Variants in SORL1 observed in about 807,000 individuals in gnomAD.
SORL1 encodes the protein sortilin-related receptor.
In SORL1, 127 loss-of-function variants were observed where a neutral mutation model predicts 273.7. The observed-to-expected ratio is 0.46, with a 90% CI of 0.40 to 0.54. SORL1 has a LOEUF of 0.54. Among genes scored for constraint, SORL1 ranks in the 20% least tolerant of loss-of-function variants. The pLI, the probability that SORL1 is intolerant of heterozygous loss-of-function variation, is 0.00. For missense variants in SORL1, 2,494 were observed against 2,846.1 expected (o/e 0.88, Z 2.81); for synonymous variants, 1,031 against 1,067.4 (o/e 0.97, Z 0.66).
chr11:121,453,259 C>G (rs1860839845), intron 1 of SORL1, among the ~76,000 whole-genome samples: 1 of 152,148 alleles, frequency 6.6e-6, no homozygotes, highest in African/African-American at 2.4e-5. Context: ...AGGAATACCC[C>G]TCATGGCACT....
At chr11:121,606,629 A>G (rs775180710) in intron 35 of SORL1, among the ~76,000 whole-genome samples, 4 of 152,102 alleles carry the variant, frequency 2.6e-5, no homozygotes, top group Non-Finnish European at 5.9e-5. Context: ...CACACACTCA[A>G]CTGAGCCATG....
intron 14 of SORL1, among the ~76,000 whole-genome samples, chr11:121,547,417 CAAAAAAAAAAA>C (rs67390938): frequency 1.8e-3 from 43 of 24,038 alleles, no homozygotes; most frequent in South Asian, 7.0e-3. Flanking sequence ...CAACCCTCAC[CAAAAAAAAAAA>C]AAAAAAAAAA....
At chr11:121,624,465 G>A (rs1269430686) in intron 45 of SORL1, among the ~76,000 whole-genome samples, 2 of 152,192 alleles carry the variant, frequency 1.3e-5, no homozygotes, top group Non-Finnish European at 2.9e-5. Context: ...TAACTAGGAA[G>A]ACATTTCATC....
In SORL1 at chr11:121,618,950, G is replaced by T. The variant is rs367608935; in HGVS notation, c.5724+57G>T. The T allele has an allele frequency of 8.2e-5, 131 of 1,601,346 alleles. No homozygotes were observed. In the African/African-American group the frequency reaches 1.5e-3, roughly 19 times the overall value. On this transcript the variant is annotated intron_variant, in intron 42 of 47. Transcript: ENST00000260197. Reference sequence around the variant, plus strand: ...GGGATGTCTTAAGTCCTGGGCTCTGGTCTCAACCCAGGACCTGGGGAGCTT... The same window carrying T: ...GGGATGTCTTAAGTCCTGGGCTCTGTTCTCAACCCAGGACCTGGGGAGCTT...
intron 16 of SORL1, 41 bp from the exon 17 acceptor site, chr11:121,553,896 C>T (rs747109561): frequency 6.3e-7 from 1 of 1,585,696 alleles, no homozygotes. Flanking sequence ...TCTTCAGCAT[C>T]CCCTGGGTCC....
intron 28 of SORL1, among the ~76,000 whole-genome samples, chr11:121,588,904 G>A (rs1311885616): frequency 2.0e-5 from 3 of 151,952 alleles, no homozygotes; most frequent in Non-Finnish European, 2.9e-5. Context: ...AGGACACCAG[G>A]CCTATTAGAT....
intron 27 of SORL1, among the ~76,000 whole-genome samples, chr11:121,587,467 A>T (rs1214299730): frequency 2.0e-5 from 3 of 152,140 alleles, no homozygotes; most frequent in African/African-American, 7.2e-5. Context: ...TTCTCAAAGG[A>T]CACGAATTCT....
chr11:121,498,875 C>CAA (rs5795273), intron 6 of SORL1, among the ~76,000 whole-genome samples: 218 of 144,394 alleles, frequency 1.5e-3, no homozygotes, highest in Middle Eastern at 3.6e-3. Context: ...GACTCTGTCT[C>CAA]AAAAAAAAAA....
At chr11:121,470,631 C>T (rs1482406170) in intron 2 of SORL1, among the ~76,000 whole-genome samples, 2 of 152,098 alleles carry the variant, frequency 1.3e-5, no homozygotes, top group Admixed American at 1.3e-4. Flanking sequence ...GGAGGCCGGG[C>T]AGGTAAAGGA....
At chr11:121,488,479 G>T (rs958596460) in intron 4 of SORL1, among the ~76,000 whole-genome samples, 1 of 152,086 alleles carries the variant, frequency 6.6e-6, no homozygotes, top group African/African-American at 2.4e-5. Context: ...TAGCCCTTGG[G>T]GTAAATCGAG....
intron 1 of SORL1, among the ~76,000 whole-genome samples, chr11:121,466,372 G>A (rs920354089): frequency 1.3e-5 from 2 of 152,160 alleles, no homozygotes; most frequent in African/African-American, 4.8e-5. Context: ...ATCAGGGGGA[G>A]ATCCTTGGGG....
At chr11:121,623,872 T>C (rs1423822419) in intron 45 of SORL1, among the ~76,000 whole-genome samples, 1 of 152,162 alleles carries the variant, frequency 6.6e-6, no homozygotes, top group African/African-American at 2.4e-5. Context: ...ACAGTGCCAA[T>C]AAAGACATAC....
rs1863455251 is a variant in SORL1 at position 121,605,475 on chromosome 11, A to C, written c.4852A>C (p.Lys1618Gln). 9 of 1,613,942 alleles carry C rather than the reference A, an allele frequency of 5.6e-6. No individual in the cohort carries two copies. Among genetic ancestry groups the C allele is most frequent in the Non-Finnish European group, 7.6e-6 (9 of 1,179,944 alleles). ...GACAAACACTGTATTAAAAGTCTTG[A>C]AACCAGATACCACGTATCAGGTTAA... ...NKTNTVLKVL[K>Q]PDTTYQVKVQ... is the part of the protein sequence containing the mutation. Residue 1618 changes from lysine (K) to glutamine (Q), a missense_variant, in exon 35 of 48, where the codon AAA becomes CAA. Transcript: ENST00000260197.
chr11:121,547,189 G>C (rs1292269860), intron 14 of SORL1, among the ~76,000 whole-genome samples: 2 of 151,866 alleles, frequency 1.3e-5, no homozygotes, highest in Non-Finnish European at 2.9e-5. Context: ...GTCCTCCCCA[G>C]ACCAGCTTGA....
At chr11:121,609,806 C>T (rs1011976420) in intron 38 of SORL1, 2 of 152,228 alleles carry the variant, frequency 1.3e-5, no homozygotes, top group Admixed American at 6.5e-5. Flanking sequence ...ATACACTAAG[C>T]ACCATGCTAT....
At chr11:121,487,519 C>A (rs661930) in intron 3 of SORL1, among the ~76,000 whole-genome samples, 148,024 of 152,324 alleles carry the variant, frequency 0.97, 72,086 homozygotes, top group Middle Eastern at 1. Context: ...CATAGCAGCA[C>A]GAAGGAGAAG....
intron 12 of SORL1, among the ~76,000 whole-genome samples, chr11:121,534,843 C>T (rs1862246457): frequency 1.3e-5 from 2 of 152,212 alleles, no homozygotes; most frequent in Admixed American, 6.5e-5. Context: ...CTAAGTTTGG[C>T]CTCCCCAGTC....
At chr11:121,534,324 G>C (rs1862240382) in intron 12 of SORL1, among the ~76,000 whole-genome samples, 1 of 152,180 alleles carries the variant, frequency 6.6e-6, no homozygotes, top group Admixed American at 6.5e-5. Context: ...TACACCATCT[G>C]TCGGTGCATA....
intron 1 of SORL1, among the ~76,000 whole-genome samples, chr11:121,465,497 C>T (rs746656819): frequency 1.4e-4 from 22 of 151,902 alleles, no homozygotes; most frequent in Non-Finnish European, 3.1e-4. Flanking sequence ...CCCAAAGAAG[C>T]TGCATTAGAA....
Sources: allele counts gnomAD v4.1 joint callset (sites outside exome capture counted in the v4.1 genomes callset), GRCh38; gene constraint gnomAD v4.1.1; transcripts MANE v1.5; gene names NCBI Gene and HGNC (gene_info 2026-07-23, HGNC 2026-07-21).